Variants in ARHGAP24 observed in about 807,000 individuals in gnomAD.
ARHGAP24 encodes the protein Rho GTPase activating protein 24.
ARHGAP24 carries 50 observed loss-of-function variants against 76.4 expected under a neutral mutation model. The ratio of observed to expected loss-of-function variants is 0.65; its 90% confidence interval spans 0.52 to 0.83. The LOEUF is 0.83. Among genes scored for constraint, ARHGAP24 ranks in the 40% least tolerant of loss-of-function variants. ARHGAP24 has a pLI of 0.00. For missense variants in ARHGAP24, 930 were observed against 914.2 expected, an observed-to-expected ratio of 1.02 and a Z score of -0.22; for synonymous variants, 345 against 323.3, an observed-to-expected ratio of 1.07 and a Z score of -0.72.
At chr4:85,904,407 T>C (rs556338512) in intron 3 of ARHGAP24, among the ~76,000 whole-genome samples, 1 of 152,220 alleles carries the variant, frequency 6.6e-6, no homozygotes, top group African/African-American at 2.4e-5. Flanking sequence ...TTGTCAGATA[T>C]CTGCGCCCAT....
At chr4:85,906,506 A>G (rs1276913026) in intron 3 of ARHGAP24, among the ~76,000 whole-genome samples, 1 of 152,158 alleles carries the variant, frequency 6.6e-6, no homozygotes, top group Non-Finnish European at 1.5e-5. Context: ...TAGTTTTTTA[A>G]TGTTATAAAA....
chr4:85,792,908 A>G (rs1728191026), intron 3 of ARHGAP24, among the ~76,000 whole-genome samples: 2 of 152,300 alleles, frequency 1.3e-5, no homozygotes, highest in South Asian at 4.1e-4. Flanking sequence ...TAGGCTCAAA[A>G]ATGTCACTGT....
intron 5 of ARHGAP24, among the ~76,000 whole-genome samples, chr4:85,958,245 G>C (rs758812209): frequency 6.6e-6 from 1 of 151,964 alleles, no homozygotes; most frequent in Non-Finnish European, 1.5e-5. Context: ...AATCTCACAG[G>C]GTTGTTGTAT....
intron 3 of ARHGAP24, among the ~76,000 whole-genome samples, chr4:85,922,043 A>G (rs916989315): frequency 2.6e-5 from 4 of 152,184 alleles, no homozygotes; most frequent in African/African-American, 9.7e-5. Context: ...TTTCCCTAGT[A>G]GTGAGATGTT....
At chr4:85,674,840 C>CT (rs879527747) in intron 2 of ARHGAP24, among the ~76,000 whole-genome samples, 2 of 152,232 alleles carry the variant, frequency 1.3e-5, no homozygotes, top group Non-Finnish European at 2.9e-5. Flanking sequence ...CTGAGGTAAA[C>CT]TTTTTGTTAC....
At chr4:85,608,407 TGAC>T (rs1482808599) in intron 2 of ARHGAP24, among the ~76,000 whole-genome samples, 3 of 152,178 alleles carry the variant, frequency 2.0e-5, no homozygotes, top group Non-Finnish European at 4.4e-5. Context: ...TGTGGTCCAC[TGAC>T]ATTATAAATA....
intron 3 of ARHGAP24, among the ~76,000 whole-genome samples, chr4:85,874,705 T>C (rs533842568): frequency 1.4e-5 from 2 of 147,362 alleles, no homozygotes; most frequent in South Asian, 4.2e-4. Flanking sequence ...AAAAAAATAA[T>C]AATTGTATTT....
intron 3 of ARHGAP24, among the ~76,000 whole-genome samples, chr4:85,792,588 T>C (rs1728177903): frequency 6.6e-6 from 1 of 152,170 alleles, no homozygotes; most frequent in Non-Finnish European, 1.5e-5. Context: ...TTCCCTGAAA[T>C]CCAGCCTATG....
chr4:85,557,290 A>G (rs1257357899), intron 1 of ARHGAP24, among the ~76,000 whole-genome samples: 1 of 152,124 alleles, frequency 6.6e-6, no homozygotes, highest in East Asian at 1.9e-4. Context: ...CATGTGAGGG[A>G]GGCTGACCTT....
intron 8 of ARHGAP24, among the ~76,000 whole-genome samples, chr4:85,992,387 T>C (rs1370139301): frequency 6.6e-6 from 1 of 152,078 alleles, no homozygotes; most frequent in Non-Finnish European, 1.5e-5. Flanking sequence ...ACACTCATAC[T>C]CCATAATTGT....
intron 3 of ARHGAP24, among the ~76,000 whole-genome samples, chr4:85,833,015 G>A (rs1730074221): frequency 6.6e-6 from 1 of 152,162 alleles, no homozygotes; most frequent in South Asian, 2.1e-4. Flanking sequence ...AGCAAAGAAG[G>A]TATATATGTC....
chr4:85,715,554 G>T (rs1442004802), intron 2 of ARHGAP24, among the ~76,000 whole-genome samples: 2 of 152,020 alleles, frequency 1.3e-5, no homozygotes, highest in Non-Finnish European at 2.9e-5. Context: ...TTTGCTTGAA[G>T]TCATGTGACT....
At position 85,563,347 on chromosome 4, in the gene ARHGAP24, A is replaced by C. The variant is rs557403788; in HGVS notation, c.-20-7175A>C. Among the ~76,000 whole-genome samples the C allele has an allele frequency of 5.3e-5, 8 of 152,322 alleles. No individual in the cohort carries two copies. The South Asian group carries it at 1.7e-3, about 32-fold the overall frequency. ...ACAGTTCTGGAGGCAGGGAAGTCTAAGATCAAGGTGCTGGTAAGGTAGGTT... is the reference window on the plus strand; with the variant it reads ...ACAGTTCTGGAGGCAGGGAAGTCTACGATCAAGGTGCTGGTAAGGTAGGTT... On this transcript the variant is annotated intron_variant, in intron 1 of 9. Coordinates refer to ENST00000395184, the MANE Select transcript of ARHGAP24 (RefSeq NM_001025616.3).
intron 2 of ARHGAP24, among the ~76,000 whole-genome samples, chr4:85,652,945 T>C (rs1377492868): frequency 6.6e-6 from 1 of 152,232 alleles, no homozygotes; most frequent in African/African-American, 2.4e-5. Flanking sequence ...TTCTTGCTAC[T>C]TTTTGTTTCA....
intron 3 of ARHGAP24, among the ~76,000 whole-genome samples, chr4:85,818,387 T>C (rs1029471409): frequency 2.0e-5 from 3 of 152,196 alleles, no homozygotes; most frequent in African/African-American, 7.2e-5. Context: ...CACAAAACCA[T>C]CACACAAGCT....
intron 2 of ARHGAP24, among the ~76,000 whole-genome samples, chr4:85,660,249 A>G (rs1286366953): frequency 1.3e-5 from 2 of 152,208 alleles, no homozygotes; most frequent in Admixed American, 1.3e-4. Context: ...AGGAAAATGT[A>G]CTTGCTAATG....
intron 3 of ARHGAP24, among the ~76,000 whole-genome samples, chr4:85,860,382 A>C (rs1455599621): frequency 6.6e-6 from 1 of 152,118 alleles, no homozygotes; most frequent in African/African-American, 2.4e-5. Context: ...CCAAAGACCA[A>C]ATGCTAAATA....
intron 2 of ARHGAP24, among the ~76,000 whole-genome samples, chr4:85,661,871 A>T (rs1305805465): frequency 1.3e-5 from 2 of 151,952 alleles, no homozygotes; most frequent in African/African-American, 2.4e-5. Flanking sequence ...GGCTGCATAG[A>T]ATTCCATGGT....
intron 1 of ARHGAP24, among the ~76,000 whole-genome samples, chr4:85,502,780 G>T (rs932315302): frequency 1.3e-5 from 2 of 152,158 alleles, no homozygotes; most frequent in African/African-American, 4.8e-5. Flanking sequence ...GTGAGAGAGG[G>T]CATCCTTGTC....
Sources: gnomAD v4.1 joint callset for allele counts (sites outside exome capture counted in the v4.1 genomes callset) on GRCh38, gnomAD v4.1.1 for gene constraint, MANE v1.5 for transcripts, NCBI Gene and HGNC (gene_info 2026-07-23, HGNC 2026-07-21) for gene names.